SPRY3: variants seen among roughly 807,000 people sequenced by gnomAD.
The protein encoded by SPRY3 is sprouty RTK signaling antagonist 3.
SPRY3 carries 15 observed loss-of-function variants against 20.2 expected under a neutral mutation model. The observed-to-expected ratio is 0.74, with a 90% CI of 0.50 to 1.14. The LOEUF (loss-of-function observed/expected upper bound fraction) is 1.14. SPRY3 is among the 50% of genes most tolerant of loss of function. The probability of loss-of-function intolerance (pLI) is 0.00; values close to 1 mark genes in which losing one functional copy is unlikely to be tolerated. For synonymous variants in SPRY3, 143 were observed against 136.5 expected, an observed-to-expected ratio of 1.05 and a Z score of -0.33; for missense variants, 364 against 363.9, an observed-to-expected ratio of 1.00 and a Z score of 0.00.
chrX:155,767,914 G>GTT (rs1400581002), intron 2 of SPRY3, 48 bp from the exon 2 acceptor site: 1 of 149,058 alleles, frequency 6.7e-6, no homozygotes, highest in Admixed American at 6.6e-5. Flanking sequence ...TTTTTGTTTT[G>GTT]TTTTGTTTTG....
chrX:155,723,738 G>A (rs1224453527), intron 2 of SPRY3, among the ~76,000 whole-genome samples: 1 of 152,116 alleles, frequency 6.6e-6, no homozygotes, highest in Non-Finnish European at 1.5e-5. Context: ...TAGGTTGCCT[G>A]TTCACTCTAA....
chrX:155,708,695 T>G (rs1467911355), intron 2 of SPRY3, among the ~76,000 whole-genome samples: 2 of 151,496 alleles, frequency 1.3e-5, no homozygotes, highest in Admixed American at 1.3e-4. Context: ...AATCACATCA[T>G]GGAAAATCAG....
At chrX:155,755,117 A>C (rs2091279105) in intron 2 of SPRY3, among the ~76,000 whole-genome samples, 1 of 140,644 alleles carries the variant, frequency 7.1e-6, no homozygotes, top group Admixed American at 6.9e-5. Context: ...GCAGTGGAAA[A>C]AATAAGTAAA....
intron 2 of SPRY3, among the ~76,000 whole-genome samples, chrX:155,757,787 T>C (rs2091289039): frequency 6.6e-6 from 1 of 152,148 alleles, no homozygotes; most frequent in Non-Finnish European, 1.5e-5. Context: ...TGCCTGAGAA[T>C]CACACTCTAA....
At chrX:155,704,094 C>G (rs2090930700) in intron 2 of SPRY3, among the ~76,000 whole-genome samples, 1 of 151,824 alleles carries the variant, frequency 6.6e-6, no homozygotes, top group South Asian at 2.1e-4. Flanking sequence ...ACTTATTCAA[C>G]TTTCCACAAA....
At chrX:155,708,964 A>G (rs898571207) in intron 2 of SPRY3, among the ~76,000 whole-genome samples, 4 of 151,414 alleles carry the variant, frequency 2.6e-5, no homozygotes, top group Admixed American at 2.6e-4. Flanking sequence ...ATGACTAATG[A>G]CTGCCAGTTC....
At chrX:155,741,763 A>C (rs306900) in intron 2 of SPRY3, among the ~76,000 whole-genome samples, 56,137 of 151,866 alleles carry the variant, frequency 0.37, 7,706 homozygotes, top group South Asian at 0.5. Flanking sequence ...TAAGCAAAAG[A>C]GAAATAAGAT....
At chrX:155,684,635 A>G (rs2068082593) in intron 2 of SPRY3, among the ~76,000 whole-genome samples, 1 of 111,647 alleles carries the variant, frequency 9.0e-6, no homozygotes, top group Admixed American at 9.5e-5. Flanking sequence ...TTTGCTTTCA[A>G]TCATCAAACG....
chrX:155,628,821 G>T (rs1290190600), intron 1 of SPRY3, among the ~76,000 whole-genome samples: 2 of 111,378 alleles, frequency 1.8e-5, no homozygotes, highest in Non-Finnish European at 3.8e-5. Context: ...TTGTCTTTTT[G>T]GTAATAGCCA....
intron 2 of SPRY3, among the ~76,000 whole-genome samples, chrX:155,734,827 C>A (rs2091157312): frequency 6.6e-6 from 1 of 151,882 alleles, no homozygotes; most frequent in Non-Finnish European, 1.5e-5. Flanking sequence ...TTGATTTTCT[C>A]TCTTAATTTC....
At chrX:155,710,909 C>G (rs773949541) in intron 2 of SPRY3, among the ~76,000 whole-genome samples, 1 of 151,388 alleles carries the variant, frequency 6.6e-6, no homozygotes, top group African/African-American at 2.4e-5. Context: ...CTTTATTAAG[C>G]GTTTATTTTA....
chrX:155,699,868 C>A (rs1353806967), intron 2 of SPRY3, among the ~76,000 whole-genome samples: 2 of 109,686 alleles, frequency 1.8e-5, no homozygotes, highest in African/African-American at 6.6e-5. Flanking sequence ...TACCATCAAG[C>A]TAAAAAGCCT....
intron 2 of SPRY3, among the ~76,000 whole-genome samples, chrX:155,762,343 A>G (rs1332994953): frequency 2.6e-5 from 4 of 152,248 alleles, no homozygotes; most frequent in Admixed American, 1.3e-4. Flanking sequence ...TTACTACAGT[A>G]CAAATTAAAA....
intron 2 of SPRY3, among the ~76,000 whole-genome samples, chrX:155,767,359 C>G: frequency 6.6e-6 from 1 of 152,156 alleles, no homozygotes; most frequent in African/African-American, 2.4e-5. Flanking sequence ...AAGCTGAACA[C>G]ACTGCCAACT....
intron 2 of SPRY3, among the ~76,000 whole-genome samples, chrX:155,751,938 TAAAATAAAATAAAATAA>T (rs2091264591): frequency 2.9e-5 from 1 of 35,086 alleles, no homozygotes; most frequent in African/African-American, 2.7e-4. Flanking sequence ...TAAAATAAAA[TAAAATAAAATAAAATAA>T]AATAAAATAA....
intron 2 of SPRY3, among the ~76,000 whole-genome samples, chrX:155,750,341 G>T (rs769435492): frequency 1.3e-5 from 2 of 151,808 alleles, no homozygotes; most frequent in East Asian, 3.9e-4. Flanking sequence ...TCACTACCTG[G>T]GTGACGGGAT....
chrX:155,700,616 C>CTTTTTTTTTT (rs759851874), intron 2 of SPRY3, among the ~76,000 whole-genome samples: 1 of 66,062 alleles, frequency 1.5e-5, no homozygotes, highest in African/African-American at 8.1e-5. Context: ...GAATGAAGTT[C>CTTTTTTTTTT]TTTTTTTTTT....
intron 2 of SPRY3, among the ~76,000 whole-genome samples, chrX:155,666,698 G>A (rs2068025651): frequency 9.0e-6 from 1 of 111,357 alleles, no homozygotes; most frequent in Non-Finnish European, 1.9e-5. Context: ...AAAATGATGA[G>A]CTTATTTTGG....
chrX:155,620,601 T>G (rs1289616225), intron 1 of SPRY3, among the ~76,000 whole-genome samples: 18 of 111,759 alleles, frequency 1.6e-4, no homozygotes, highest in African/African-American at 5.8e-4. Flanking sequence ...TGTATGACAA[T>G]TTATATAAAA....
Sources: gnomAD v4.1 joint callset for allele counts (sites outside exome capture counted in the v4.1 genomes callset) on GRCh38, gnomAD v4.1.1 for gene constraint, MANE v1.5 for transcripts, NCBI Gene and HGNC (gene_info 2026-07-23, HGNC 2026-07-21) for gene names.